NCKAP5: variants seen among roughly 807,000 people sequenced by gnomAD.
The protein encoded by NCKAP5 is NCK associated protein 5.
NCKAP5 carries 92 observed loss-of-function variants against 167.0 expected under a neutral mutation model. The ratio of observed to expected loss-of-function variants is 0.55; its 90% confidence interval spans 0.47 to 0.66. The LOEUF (loss-of-function observed/expected upper bound fraction) is 0.66, where lower values mean the gene tolerates loss of function less well. Among genes scored for constraint, NCKAP5 ranks in the 30% least tolerant of loss-of-function variants. NCKAP5 has a pLI of 0.00. For missense variants in NCKAP5, 2,378 were observed against 2,315.0 expected, an observed-to-expected ratio of 1.03 and a Z score of -0.56; for synonymous variants, 891 against 877.4, an observed-to-expected ratio of 1.02 and a Z score of -0.27.
At chr2:132,732,964 T>G (rs1325730254) in intron 16 of NCKAP5, among the ~76,000 whole-genome samples, 1 of 152,222 alleles carries the variant, frequency 6.6e-6, no homozygotes, top group Non-Finnish European at 1.5e-5. Flanking sequence ...ACTCTCACTT[T>G]ATTCAATGAC....
At chr2:133,459,758 G>A (rs997706507) in intron 3 of NCKAP5, among the ~76,000 whole-genome samples, 1 of 152,116 alleles carries the variant, frequency 6.6e-6, no homozygotes, top group African/African-American at 2.4e-5. Context: ...TTTAACTCAT[G>A]ATCACACAAT....
intron 1 of NCKAP5, among the ~76,000 whole-genome samples, chr2:133,562,214 T>TAC (rs998114588): frequency 1.8e-4 from 28 of 152,120 alleles, no homozygotes; most frequent in African/African-American, 6.0e-4. Flanking sequence ...TATATAAATA[T>TAC]ACACACACAT....
chr2:133,263,518 T>C (rs2150378029), intron 4 of NCKAP5, among the ~76,000 whole-genome samples: 1 of 152,146 alleles, frequency 6.6e-6, no homozygotes. Flanking sequence ...GTTTTCAAAA[T>C]GATACACAAG....
chr2:132,841,806 G>A (rs1688313715), intron 11 of NCKAP5, among the ~76,000 whole-genome samples: 1 of 152,154 alleles, frequency 6.6e-6, no homozygotes, highest in Middle Eastern at 3.4e-3. Context: ...ATGTCACACT[G>A]TATTATGTTG....
At chr2:133,611,493 T>C in the NCKAP5 span, among the ~76,000 whole-genome samples, 1 of 152,228 alleles carries the variant, frequency 6.6e-6, no homozygotes, top group Non-Finnish European at 1.5e-5. Flanking sequence ...TTCTGTGTTT[T>C]CACTTATTTG....
intron 7 of NCKAP5, among the ~76,000 whole-genome samples, chr2:132,982,107 T>G (rs1380506886): frequency 2.0e-5 from 3 of 152,232 alleles, no homozygotes; most frequent in African/African-American, 7.2e-5. Context: ...TTTGGCTATG[T>G]GAAGGGGAAG....
chr2:133,602,057 CGA>C, the NCKAP5 span, among the ~76,000 whole-genome samples: 2 of 151,896 alleles, frequency 1.3e-5, no homozygotes, highest in South Asian at 4.2e-4. Context: ...TTTGAGGGAA[CGA>C]GAGAGAGAGG....
intron 8 of NCKAP5, among the ~76,000 whole-genome samples, chr2:132,943,905 C>G (rs1400631776): frequency 6.6e-6 from 1 of 152,166 alleles, no homozygotes; most frequent in African/African-American, 2.4e-5. Flanking sequence ...CCTCCTGGGG[C>G]TGGGTGAAGT....
At chr2:133,022,754 G>A (rs1451576840) in intron 6 of NCKAP5, among the ~76,000 whole-genome samples, 14 of 152,140 alleles carry the variant, frequency 9.2e-5, no homozygotes, top group Admixed American at 8.5e-4. Context: ...TTCCTTTGAT[G>A]CCCTATGCAT....
chr2:133,141,689 G>C (rs1365928589), intron 5 of NCKAP5, among the ~76,000 whole-genome samples: 1 of 152,076 alleles, frequency 6.6e-6, no homozygotes, highest in East Asian at 1.9e-4. Context: ...GAACATACTA[G>C]GAATGCCTTC....
At chr2:133,238,370 G>C (rs10496700) in intron 4 of NCKAP5, among the ~76,000 whole-genome samples, 12,779 of 152,130 alleles carry the variant, frequency 0.084, 1,708 homozygotes, top group African/African-American at 0.29. Flanking sequence ...CTTTGGTAAA[G>C]TCTCTGGTAG....
In NCKAP5 at chr2:132,944,010, G is replaced by A. The variant is rs1208782093; in HGVS notation, c.579+19710C>T. ...GCTCTGCTCTTCACTGCTCAGATGG[G>A]AACTTGAGTTGTGTTTGGCCAGATG... On this transcript the variant is annotated intron_variant, in intron 8 of 19. Transcript: ENST00000409261. Among the ~76,000 whole-genome samples, 5 of 152,214 alleles carry A rather than the reference G, an allele frequency of 3.3e-5. No homozygotes were observed. The East Asian group carries it at 9.6e-4, about 29-fold the overall frequency.
At chr2:133,361,933 G>T (rs1296304235) in intron 3 of NCKAP5, among the ~76,000 whole-genome samples, 2 of 151,326 alleles carry the variant, frequency 1.3e-5, no homozygotes, top group African/African-American at 4.9e-5. Flanking sequence ...ACTTAAGAAA[G>T]AACTATAAGC....
At chr2:133,377,119 C>T (rs1473458269) in intron 3 of NCKAP5, among the ~76,000 whole-genome samples, 2 of 152,148 alleles carry the variant, frequency 1.3e-5, no homozygotes, top group Admixed American at 1.3e-4. Flanking sequence ...TGAGTCATCA[C>T]ATTTTTTTCC....
chr2:133,395,032 T>C (rs1353407600), intron 3 of NCKAP5, among the ~76,000 whole-genome samples: 1 of 152,238 alleles, frequency 6.6e-6, no homozygotes, highest in East Asian at 1.9e-4. Flanking sequence ...CCCTAAATGT[T>C]AGCTATTATC....
intron 19 of NCKAP5, among the ~76,000 whole-genome samples, chr2:132,696,653 C>T (rs79983514): frequency 0.033 from 5,035 of 152,242 alleles, 272 homozygotes; most frequent in African/African-American, 0.11. Context: ...GCTTAATCAT[C>T]GTACATGATT....
At chr2:133,029,128 A>G (rs925969097) in intron 6 of NCKAP5, among the ~76,000 whole-genome samples, 1 of 152,184 alleles carries the variant, frequency 6.6e-6, no homozygotes, top group African/African-American at 2.4e-5. Context: ...AGAATGGCCT[A>G]ATACAGGTTC....
chr2:132,713,850 T>C (rs1689102376), intron 19 of NCKAP5, among the ~76,000 whole-genome samples: 1 of 152,172 alleles, frequency 6.6e-6, no homozygotes, highest in Non-Finnish European at 1.5e-5. Context: ...CACTAACCTC[T>C]CTGCCTGCAC....
intron 19 of NCKAP5, among the ~76,000 whole-genome samples, chr2:132,694,909 A>G (rs1396760413): frequency 6.6e-6 from 1 of 152,158 alleles, no homozygotes; most frequent in African/African-American, 2.4e-5. Flanking sequence ...TAGCTTATAA[A>G]CAAGAGAAAT....
Sources: gnomAD v4.1 joint callset for allele counts (sites outside exome capture counted in the v4.1 genomes callset) on GRCh38, gnomAD v4.1.1 for gene constraint, MANE v1.5 for transcripts, NCBI Gene and HGNC (gene_info 2026-07-23, HGNC 2026-07-21) for gene names.